PCNX1: variants seen among roughly 807,000 people sequenced by gnomAD.
The protein encoded by PCNX1 is pecanex 1.
PCNX1 carries 78 observed loss-of-function variants against 242.2 expected under a neutral mutation model. The ratio of observed to expected loss-of-function variants is 0.32; its 90% CI spans 0.27 to 0.39. The LOEUF (loss-of-function observed/expected upper bound fraction) is 0.39. Ranked by LOEUF, PCNX1 falls within the 10% of genes least tolerant of loss-of-function variation. The probability of loss-of-function intolerance (pLI) is 1.00; values close to 1 mark genes in which losing one functional copy is unlikely to be tolerated. For missense variants in PCNX1, 2,581 were observed against 2,856.5 expected (o/e 0.90, Z 2.20); for synonymous variants, 1,024 against 1,032.9 (o/e 0.99, Z 0.17).
chr14:71,085,288 G>C (rs370657546), intron 28 of PCNX1, among the ~76,000 whole-genome samples: 6 of 152,102 alleles, frequency 3.9e-5, no homozygotes, highest in African/African-American at 1.2e-4. Flanking sequence ...GTTCATGTTC[G>C]GCCATCTTGC....
At position 71,113,761 on chromosome 14, in the gene PCNX1, CTACT is replaced by C. The variant is rs1487505661; in HGVS notation, c.*3829_*3832del. ...AATTCTTTGAATTTATATTTACTAG[CTACT>C]TAACCATAAACTGCTGTCCAGATTG... On this transcript the variant is annotated 3_prime_UTR_variant, in exon 36 of 36. Transcript: ENST00000304743. The C allele has an allele frequency of 1.3e-5, 2 of 152,294 alleles. No individual in the cohort carries two copies. The highest frequency in any genetic ancestry group is 2.9e-5 in the Non-Finnish European group (2 of 68,022). 9.4% of individuals were successfully genotyped at this position (152,294 alleles called of 1,614,324 possible). A position where few individuals can be genotyped will look rare whatever the true frequency, so the allele number is the denominator to read the frequency against.
chr14:71,076,094 T>C, intron 27 of PCNX1, 95 bp from the exon 28 acceptor site: 1 of 742,404 alleles, frequency 1.3e-6, no homozygotes, highest in Non-Finnish European at 2.2e-6. Flanking sequence ...CTATTTATCA[T>C]TATAAATAAT....
At position 70,985,347 on chromosome 14, in the gene PCNX1, C is replaced by A. The variant is rs1382402303; in HGVS notation, c.2312-3220C>A. The stretch of plus-strand genomic sequence containing the variant: ...CTCCTGCCTCAGCCTCCCGAGTAGC[C>A]GAGATTACAGGCGCCTGCCACCACA... On this transcript the variant is annotated intron_variant, in intron 6 of 35. Transcript: ENST00000304743. 2.6e-5 allele frequency among the ~76,000 whole-genome samples: 4 copies of A among 152,044 alleles called. No homozygotes were observed. In the East Asian group the frequency reaches 7.7e-4, roughly 29 times the overall value.
At chr14:70,974,240 TGTTG>T (rs1566642104) in intron 5 of PCNX1, among the ~76,000 whole-genome samples, 3 of 149,894 alleles carry the variant, frequency 2.0e-5, no homozygotes, top group South Asian at 2.1e-4. Context: ...TGGTTTTTTT[TGTTG>T]TTTTTTTTTT....
chr14:70,930,657 A>G (rs138454843), intron 1 of PCNX1, among the ~76,000 whole-genome samples: 133 of 152,348 alleles, frequency 8.7e-4, no homozygotes, highest in African/African-American at 2.9e-3. Flanking sequence ...TCAAGTTCCA[A>G]TAGCTCACTT....
At chr14:71,072,603 G>C (rs940744529) in intron 26 of PCNX1, among the ~76,000 whole-genome samples, 1 of 152,120 alleles carries the variant, frequency 6.6e-6, no homozygotes, top group Non-Finnish European at 1.5e-5. Context: ...GTGGTTTTCA[G>C]ACATGGATGG....
intron 26 of PCNX1, among the ~76,000 whole-genome samples, chr14:71,070,013 C>G (rs1177040841): frequency 6.6e-6 from 1 of 152,162 alleles, no homozygotes; most frequent in Admixed American, 6.6e-5. Flanking sequence ...CTTTATTCAT[C>G]AAGTTTATGT....
At chr14:71,082,425 A>T (rs1210615343) in intron 28 of PCNX1, among the ~76,000 whole-genome samples, 1 of 151,944 alleles carries the variant, frequency 6.6e-6, no homozygotes, top group East Asian at 1.9e-4. Context: ...TTAATTTTCT[A>T]TCTCGCTGAT....
chr14:70,938,757 C>T lies in PCNX1; in HGVS notation c.154-8158C>T, dbSNP rs180890366. On this transcript the variant is annotated intron_variant, in intron 1 of 35. Transcript: ENST00000304743. The stretch of plus-strand genomic sequence containing the variant: ...GAATTTGGCTGTGAATCCCTTTGGT[C>T]CTGGACTTTTTTTGGTTGGTAGGCT... Among the ~76,000 whole-genome samples, 132 of 152,254 alleles carry T rather than the reference C, an allele frequency of 8.7e-4. 2 individuals carry two copies. Among genetic ancestry groups the T allele is most frequent in the African/African-American group, 3.1e-3 (128 of 41,540 alleles).
intron 26 of PCNX1, among the ~76,000 whole-genome samples, chr14:71,065,680 A>G (rs997744648): frequency 5.9e-5 from 9 of 152,108 alleles, no homozygotes; most frequent in Admixed American, 6.6e-5. Context: ...ATAGTTGTGA[A>G]GTCTGCCCAT....
intron 1 of PCNX1, among the ~76,000 whole-genome samples, chr14:70,941,030 CT>C (rs1288456771): frequency 6.6e-6 from 1 of 152,090 alleles, no homozygotes; most frequent in Non-Finnish European, 1.5e-5. Flanking sequence ...TTTGTCTAAT[CT>C]TTTTTCAAGG....
At chr14:70,915,428 C>G (rs1044871430) in intron 1 of PCNX1, among the ~76,000 whole-genome samples, 3 of 152,158 alleles carry the variant, frequency 2.0e-5, no homozygotes, top group Non-Finnish European at 2.9e-5. Flanking sequence ...TCACCCCTGT[C>G]TGTAGAACAT....
intron 8 of PCNX1, among the ~76,000 whole-genome samples, chr14:71,006,941 A>G (rs2059685541): frequency 6.6e-6 from 1 of 152,180 alleles, no homozygotes; most frequent in South Asian, 2.1e-4. Flanking sequence ...GACAAATGCC[A>G]TGCGTATTTT....
At chr14:70,936,937 G>A (rs1282619627) in intron 1 of PCNX1, among the ~76,000 whole-genome samples, 1 of 152,210 alleles carries the variant, frequency 6.6e-6, no homozygotes, top group Non-Finnish European at 1.5e-5. Flanking sequence ...CTTCTTTTGA[G>A]AAGTGTCTGT....
rs1566814737 is a variant in PCNX1, at chr14:71,109,565, G to T, written c.6858G>T (p.Trp2286Cys). The change falls in exon 35 of 36, where the codon TGG becomes TGT. Residue 2286 changes from tryptophan to cysteine, a missense_variant. Trp to Cys is a radical substitution (Grantham distance 215). Around this residue, in one of 9 missense-constraint regions of PCNX1, gnomAD observed 432 missense variants for 433.6 expected, o/e 1.00. Coordinates refer to ENST00000304743, the MANE Select transcript of PCNX1 (RefSeq NM_014982.3). ...LKAGRNSWKD[W>C]SPQEGMEGHV... is the part of the protein sequence containing the mutation. ...CTGGGAGAAATAGCTGGAAAGACTG[G>T]AGTCCGCAGGAGGGCATGGAAGGCC... 3 of 1,614,182 alleles carry T rather than the reference G, an allele frequency of 1.9e-6. No homozygotes were observed.
intron 22 of PCNX1, among the ~76,000 whole-genome samples, chr14:71,048,298 G>A (rs1257344866): frequency 6.6e-6 from 1 of 152,124 alleles, no homozygotes; most frequent in East Asian, 1.9e-4. Flanking sequence ...AAACAGAAGT[G>A]GTAATAATTG....
chr14:70,945,465 A>G (rs552348384), intron 1 of PCNX1, among the ~76,000 whole-genome samples: 9 of 152,304 alleles, frequency 5.9e-5, no homozygotes, highest in Middle Eastern at 3.4e-3. Flanking sequence ...AAAAATAACA[A>G]ATATTTAATA....
intron 26 of PCNX1, among the ~76,000 whole-genome samples, chr14:71,065,981 T>TC (rs1049412444): frequency 5.8e-3 from 1 of 172 alleles, no homozygotes; most frequent in Non-Finnish European, 0.016. Flanking sequence ...ATATATCTGT[T>TC]TTGTACAAGT....
intron 28 of PCNX1, among the ~76,000 whole-genome samples, chr14:71,083,823 T>C (rs1224165938): frequency 6.6e-6 from 1 of 152,140 alleles, no homozygotes; most frequent in Admixed American, 6.5e-5. Flanking sequence ...GAGTTTGTTA[T>C]TACCCATGTT....
Sources: gnomAD v4.1 joint callset for allele counts (sites outside exome capture counted in the v4.1 genomes callset) on GRCh38, gnomAD v4.1.1 for gene constraint, gnomAD v4.1.1 regional missense constraint, MANE v1.5 for transcripts, NCBI Gene and HGNC (gene_info 2026-07-23, HGNC 2026-07-21) for gene names.